The following EXTL2 variants were observed in gnomAD, a reference collection of about 807,000 sequenced individuals.
The protein encoded by EXTL2 is exostosin like glycosyltransferase 2.
EXTL2 carries 23 observed loss-of-function variants against 30.7 expected under a neutral mutation model. The observed-to-expected ratio is 0.75, with a 90% CI of 0.54 to 1.06. The LOEUF (loss-of-function observed/expected upper bound fraction) is 1.06. EXTL2 is among the 50% of genes least tolerant of loss of function. The pLI is 0.00. For missense variants in EXTL2, 352 were observed against 396.3 expected, an observed-to-expected ratio of 0.89 and a Z score of 0.95; for synonymous variants, 123 against 133.8, an observed-to-expected ratio of 0.92 and a Z score of 0.56.
At chr1:100,879,507 T>A (rs1047923770) in intron 2 of EXTL2, among the ~76,000 whole-genome samples, 1 of 152,138 alleles carries the variant, frequency 6.6e-6, no homozygotes, top group Non-Finnish European at 1.5e-5. Flanking sequence ...AAAAAATAGA[T>A]CTCTGAGAAA....
At chr1:100,874,716 T>C (rs1297924949) in intron 4 of EXTL2, among the ~76,000 whole-genome samples, 4 of 152,162 alleles carry the variant, frequency 2.6e-5, no homozygotes, top group African/African-American at 9.6e-5. Context: ...CAAATTCCAG[T>C]CACCAAAGAG....
chr1:100,887,116 C>T (rs1340097658), intron 2 of EXTL2, among the ~76,000 whole-genome samples: 1 of 152,170 alleles, frequency 6.6e-6, no homozygotes, highest in Non-Finnish European at 1.5e-5. Context: ...GTACATTTAC[C>T]ATTCCAGGAT....
intron 4 of EXTL2, among the ~76,000 whole-genome samples, chr1:100,874,752 G>A (rs926849318): frequency 6.6e-6 from 1 of 152,072 alleles, no homozygotes; most frequent in Admixed American, 6.6e-5. Context: ...TGTGCTGCGA[G>A]AAAAGTTGAC....
rs903680761 is a variant in EXTL2, at chr1:100,894,785, A to G, written c.-224T>C. ...TCCTTCTCCATTAGCTGGATTAACAACCTGGAAAAAGTGCCGCCCGCAAAG... is the reference window on the plus strand; with the variant it reads ...TCCTTCTCCATTAGCTGGATTAACAGCCTGGAAAAAGTGCCGCCCGCAAAG... On this transcript the variant is annotated 5_prime_UTR_variant, in exon 1 of 5. Transcript: ENST00000370114. The G allele has an allele frequency of 6.6e-5, 10 of 151,840 alleles. No individual in the cohort carries two copies. Among genetic ancestry groups the G allele is most frequent in the African/African-American group, 2.2e-4 (9 of 41,210 alleles). 9.4% of individuals were successfully genotyped at this position (151,840 alleles called of 1,614,324 possible). A position where few individuals can be genotyped will look rare whatever the true frequency, so the allele number is the denominator to read the frequency against.
At chr1:100,893,249 T>C (rs1246643391) in intron 1 of EXTL2, among the ~76,000 whole-genome samples, 6 of 152,260 alleles carry the variant, frequency 3.9e-5, no homozygotes, top group Non-Finnish European at 8.8e-5. Context: ...AGAATTCTGA[T>C]TGGTGACTTG....
At position 100,877,222 on chromosome 1, in the gene EXTL2, T is replaced by C. The variant is rs1649192059; in HGVS notation, c.433+254A>G. ...AAAAATATATTAAGCATAAGCTAAA[T>C]GGCATCTTACTATCAACTGTAATGC... On this transcript the variant is annotated intron_variant, in intron 3 of 4. Transcript: ENST00000370114. This position sits in a 1 kb window ranked among gnomAD's most constrained non-coding sequence, Gnocchi z 4.1. Among the ~76,000 whole-genome samples, 1 of 152,106 alleles carries C rather than the reference T, an allele frequency of 6.6e-6. No individual in the cohort carries two copies. The highest frequency in any genetic ancestry group is 2.4e-5 in the African/African-American group (1 of 41,432).
rs1374509316 is a variant in EXTL2 at position 100,874,280 on chromosome 1, T to C, written c.655A>G (p.Asn219Asp). The C allele has an allele frequency of 2.5e-6, 4 of 1,612,970 alleles. No individual in the cohort carries two copies. Among genetic ancestry groups the C allele is most frequent in the Non-Finnish European group, 3.4e-6 (4 of 1,179,432 alleles). The change falls in exon 5 of 5, where the codon AAT (asparagine) becomes GAT (aspartate). Residue 219 changes from asparagine to aspartate, a missense_variant. Physicochemically the swap from Asn to Asp is conservative, Grantham distance 23 (BLOSUM62 1). Transcript: ENST00000370114. ...TGAAATAATTCAAGATATTTGCTAT[T>C]GAAGAATGAGGCTCCAATCAGCACC... ...SMVLIGASFFNSKYLELFQRQ... is the reference protein window; with the variant it reads ...SMVLIGASFFDSKYLELFQRQ...
At chr1:100,882,749 A>G (rs1444665760) in intron 2 of EXTL2, among the ~76,000 whole-genome samples, 1 of 152,192 alleles carries the variant, frequency 6.6e-6, no homozygotes, top group East Asian at 1.9e-4. Context: ...TGGAGCCAAG[A>G]CGTTGAGGCT....
intron 1 of EXTL2, among the ~76,000 whole-genome samples, chr1:100,891,868 C>G (rs1650453364): frequency 6.6e-6 from 1 of 152,158 alleles, no homozygotes; most frequent in Non-Finnish European, 1.5e-5. Context: ...ATTATTTAAA[C>G]TATAAACTAA....
intron 1 of EXTL2, 121 bp from the exon 2 acceptor site, chr1:100,888,949 A>G (rs1650193103): frequency 4.6e-6 from 2 of 433,344 alleles, no homozygotes; most frequent in East Asian, 3.2e-5. Context: ...TACTTTAGAA[A>G]TTAAAATTTG....
intron 2 of EXTL2, among the ~76,000 whole-genome samples, chr1:100,879,045 A>G (rs1381938256): frequency 1.3e-5 from 2 of 152,170 alleles, no homozygotes; most frequent in Admixed American, 6.6e-5. Context: ...AGTACAGTCT[A>G]GCTATCCACT....
chr1:100,884,234 G>A (rs373953696), intron 2 of EXTL2, among the ~76,000 whole-genome samples: 10 of 152,158 alleles, frequency 6.6e-5, no homozygotes, highest in South Asian at 2.1e-4. Flanking sequence ...GCAGCAGAAC[G>A]ATAACTATTC....
In EXTL2 at chr1:100,877,446, T is replaced by G; in HGVS notation, c.433+30A>C. On this transcript the variant is annotated intron_variant, in intron 3 of 4. Coordinates refer to ENST00000370114, the MANE Select transcript of EXTL2 (RefSeq NM_001033025.3). The surrounding 1 kb of genome is among the most constrained non-coding windows in gnomAD (Gnocchi z 4.1). ...TCCCAGCTCTGGACAGCGGCAGCCT[T>G]TCCAGGCTGAGAACTACACTGCAAC... 1 of 1,530,042 alleles carries G rather than the reference T, an allele frequency of 6.5e-7. No individual in the cohort carries two copies. The highest frequency in any genetic ancestry group is 2.3e-5 in the East Asian group (1 of 44,228). 94.8% of individuals were successfully genotyped at this position (1,530,042 alleles called of 1,614,324 possible). A position where few individuals can be genotyped will look rare whatever the true frequency, so the allele number is the denominator to read the frequency against.
intron 1 of EXTL2, among the ~76,000 whole-genome samples, chr1:100,893,745 C>CT (rs1329133494): frequency 6.6e-6 from 1 of 152,218 alleles, no homozygotes; most frequent in East Asian, 1.9e-4. Context: ...TCCACCTACA[C>CT]TTTTATATTG....
chr1:100,880,449 C>T (rs1649464422), intron 2 of EXTL2, among the ~76,000 whole-genome samples: 1 of 152,162 alleles, frequency 6.6e-6, no homozygotes, highest in South Asian at 2.1e-4. Flanking sequence ...ATCACGGCCT[C>T]ACTCTTAAGG....
At chr1:100,874,475 A>G (rs1240017374) in intron 4 of EXTL2, 45 bp from the exon 5 acceptor site, 1 of 1,437,606 alleles carries the variant, frequency 7.0e-7, no homozygotes, top group Non-Finnish European at 9.4e-7. Context: ...ATATTTTTAG[A>G]GAAGACATAG....
chr1:100,881,051 C>T, intron 2 of EXTL2: 1 of 984,038 alleles, frequency 1.0e-6, no homozygotes, highest in African/African-American at 1.7e-5. Context: ...CCCAATTTTA[C>T]CTGTATCAGA....
Position 100,877,644 on chromosome 1 carries a change from C to A in EXTL2, c.265G>T (p.Val89Leu). 6.2e-7 allele frequency: 1 copy of A among 1,613,592 alleles called. No individual in the cohort carries two copies. Among genetic ancestry groups the A allele is most frequent in the Non-Finnish European group, 8.5e-7 (1 of 1,179,678 alleles). ...LLKLLNHYQA[V>L]PNLHKVIVVW... ...ACAATCACTTTGTGCAGATTTGGTA[C>A]AGCCTGATAATGATTTAAAAGTTTC... Residue 89 changes from valine (V) to leucine (L), a missense_variant, in exon 3 of 5, where the codon GTA (valine) becomes TTA (leucine). Coordinates refer to ENST00000370114, the MANE Select transcript of EXTL2 (RefSeq NM_001033025.3). This position sits in a 1 kb window ranked among gnomAD's most constrained non-coding sequence, Gnocchi z 4.1.
At chr1:100,889,349 A>G (rs1650229768) in intron 1 of EXTL2, among the ~76,000 whole-genome samples, 1 of 152,194 alleles carries the variant, frequency 6.6e-6, no homozygotes, top group South Asian at 2.1e-4. Context: ...CACTGGGTCC[A>G]TCCCACAACA....
Sources: allele counts gnomAD v4.1 joint callset (sites outside exome capture counted in the v4.1 genomes callset), GRCh38; gene constraint gnomAD v4.1.1; non-coding constraint Gnocchi (gnomAD v3.1); transcripts MANE v1.5; gene names NCBI Gene and HGNC (gene_info 2026-07-23, HGNC 2026-07-21).